Variants in CTNNA2 observed in about 807,000 individuals in gnomAD.
The protein encoded by CTNNA2 is catenin alpha 2.
CTNNA2 carries 42 observed loss-of-function variants against 101.0 expected under a neutral mutation model. The ratio of observed to expected loss-of-function variants is 0.42; its 90% CI spans 0.32 to 0.54. The LOEUF (loss-of-function observed/expected upper bound fraction) is 0.54. CTNNA2 is among the 20% of genes least tolerant of loss of function. The pLI is 0.14. For missense variants in CTNNA2, 871 were observed against 1,223.1 expected, an observed-to-expected ratio of 0.71 and a Z score of 4.29; for synonymous variants, 450 against 456.4, an observed-to-expected ratio of 0.99 and a Z score of 0.18.
At chr2:80,560,225 G>A (rs1447531585) in intron 12 of CTNNA2, among the ~76,000 whole-genome samples, 1 of 151,982 alleles carries the variant, frequency 6.6e-6, no homozygotes, top group African/African-American at 2.4e-5. Flanking sequence ...GAATGGGAAG[G>A]TTTTTCGTTT....
chr2:79,372,556 T>C (rs954409443), intron 3 of CTNNA2, among the ~76,000 whole-genome samples: 1 of 151,982 alleles, frequency 6.6e-6, no homozygotes, highest in African/African-American at 2.4e-5. Flanking sequence ...GAAAGAAAAC[T>C]AAAAGATTCC....
chr2:79,500,375 C>A (rs1167218296), intron 4 of CTNNA2, among the ~76,000 whole-genome samples: 1 of 152,136 alleles, frequency 6.6e-6, no homozygotes, highest in Non-Finnish European at 1.5e-5. Flanking sequence ...CTATGGGATA[C>A]AAACAGTAAT....
At position 80,398,853 on chromosome 2, in the gene CTNNA2, C is replaced by A. The variant is rs527362948; in HGVS notation, c.1137+5562C>A. Among the ~76,000 whole-genome samples, 5 of 150,954 alleles carry A rather than the reference C, an allele frequency of 3.3e-5. No homozygotes were observed. The South Asian group carries it at 1.1e-3, about 32-fold the overall frequency. ...CTGCACTGCAGCCTGGGTAACACATCAAGACTCTGTCTCAAAAAAAAAGAA... is the reference window on the plus strand; with the variant it reads ...CTGCACTGCAGCCTGGGTAACACATAAAGACTCTGTCTCAAAAAAAAAGAA... On this transcript the variant is annotated intron_variant, in intron 8 of 18. Transcript: ENST00000402739.
intron 7 of CTNNA2, among the ~76,000 whole-genome samples, chr2:80,157,363 C>G (rs1386950632): frequency 6.6e-6 from 1 of 152,094 alleles, no homozygotes; most frequent in Non-Finnish European, 1.5e-5. Flanking sequence ...AGGAATGGAG[C>G]TATCTCATGG....
chr2:79,540,484 G>C (rs961018626), intron 1 of CTNNA2, among the ~76,000 whole-genome samples: 1 of 152,090 alleles, frequency 6.6e-6, no homozygotes, highest in African/African-American at 2.4e-5. Flanking sequence ...CTCCATCTCC[G>C]TTTGGACTAT....
intron 7 of CTNNA2, among the ~76,000 whole-genome samples, chr2:80,047,783 GA>G (rs1696624767): frequency 6.6e-6 from 1 of 152,158 alleles, no homozygotes; most frequent in African/African-American, 2.4e-5. Flanking sequence ...GCAAGTAAGA[GA>G]GCTTGAAAAG....
At chr2:79,320,832 A>G (rs770777100) in intron 3 of CTNNA2, among the ~76,000 whole-genome samples, 2 of 152,194 alleles carry the variant, frequency 1.3e-5, no homozygotes, top group African/African-American at 2.4e-5. Context: ...GAGGGCCCAA[A>G]TCACCAATTT....
intron 9 of CTNNA2, among the ~76,000 whole-genome samples, chr2:80,470,537 T>C (rs1352008403): frequency 2.0e-5 from 3 of 152,124 alleles, no homozygotes; most frequent in Non-Finnish European, 2.9e-5. Flanking sequence ...GCTCTCCTCC[T>C]GGCCAGGGTC....
chr2:80,068,957 T>C (rs1444473957), intron 7 of CTNNA2, among the ~76,000 whole-genome samples: 1 of 152,176 alleles, frequency 6.6e-6, no homozygotes, highest in Non-Finnish European at 1.5e-5. Context: ...TAGTCAGGAT[T>C]CTCCAGAGAA....
intron 3 of CTNNA2, among the ~76,000 whole-genome samples, chr2:79,763,750 G>A (rs1161863429): frequency 1.3e-5 from 2 of 152,180 alleles, no homozygotes; most frequent in Non-Finnish European, 2.9e-5. Flanking sequence ...TGCATTGTTT[G>A]TGGATATTCT....
chr2:80,028,136 T>G (rs1368787900), intron 7 of CTNNA2: 1 of 152,140 alleles, frequency 6.6e-6, no homozygotes, highest in Non-Finnish European at 1.5e-5. Context: ...TCCAAATTGG[T>G]TGCTGAAAGG....
chr2:80,075,566 T>G (rs902038951), intron 7 of CTNNA2, among the ~76,000 whole-genome samples: 1 of 133,812 alleles, frequency 7.5e-6, no homozygotes, highest in African/African-American at 2.9e-5. Flanking sequence ...TGTATAAATA[T>G]TATAAAATAA....
Position 80,601,701 on chromosome 2 carries a change from T to A in CTNNA2, c.2190-2373T>A, listed in dbSNP as rs533307316. 23 of 152,142 alleles carry A rather than the reference T, an allele frequency of 1.5e-4. 1 individual carries two copies. The South Asian group carries it at 3.9e-3, about 26-fold the overall frequency. 9.4% of individuals were successfully genotyped at this position (152,142 alleles called of 1,614,324 possible). On this transcript the variant is annotated intron_variant, in intron 15 of 18. Transcript: ENST00000402739. ...TAGTGTTCTAAATATATTTTCTATA[T>A]CTTTTTGGTTTAGAGCTAGTTTTAG... is the stretch of plus-strand genomic sequence containing the variant.
chr2:80,554,831 C>A (rs992254348), intron 11 of CTNNA2, among the ~76,000 whole-genome samples: 1 of 152,146 alleles, frequency 6.6e-6, no homozygotes, highest in Non-Finnish European at 1.5e-5. Flanking sequence ...CCTTAGAATT[C>A]TGCTTCTAAA....
chr2:80,569,405 A>C (rs114821775), intron 12 of CTNNA2, among the ~76,000 whole-genome samples: 1,762 of 152,220 alleles, frequency 0.012, 43 homozygotes, highest in African/African-American at 0.039. Context: ...ACAAATCAGC[A>C]TTTCTGATAA....
At chr2:79,443,897 A>G (rs1367442107) in intron 4 of CTNNA2, among the ~76,000 whole-genome samples, 1 of 115,998 alleles carries the variant, frequency 8.6e-6, no homozygotes, top group Non-Finnish European at 1.7e-5. Context: ...TCTTATTTGT[A>G]TACATACTCT....
At chr2:79,352,664 A>G (rs1275431806) in intron 3 of CTNNA2, among the ~76,000 whole-genome samples, 1 of 151,998 alleles carries the variant, frequency 6.6e-6, no homozygotes, top group Non-Finnish European at 1.5e-5. Flanking sequence ...TGTAGTTCCT[A>G]TAGGTGTGAT....
chr2:79,790,416 G>C (rs577401955), intron 3 of CTNNA2, among the ~76,000 whole-genome samples: 2 of 152,280 alleles, frequency 1.3e-5, no homozygotes, highest in African/African-American at 2.4e-5. Flanking sequence ...TAACCTTTGT[G>C]AGAGTGATTG....
chr2:80,154,230 A>G (rs11126753), intron 7 of CTNNA2, among the ~76,000 whole-genome samples: 20,363 of 152,058 alleles, frequency 0.13, 3,396 homozygotes, highest in African/African-American at 0.39. Flanking sequence ...TTGGCTATTA[A>G]GCATTTTTTT....
Sources: gnomAD v4.1 joint callset for allele counts (sites outside exome capture counted in the v4.1 genomes callset) on GRCh38, gnomAD v4.1.1 for gene constraint, MANE v1.5 for transcripts, NCBI Gene and HGNC (gene_info 2026-07-23, HGNC 2026-07-21) for gene names.